The following ZFAT variants were observed in gnomAD, a reference collection of about 807,000 sequenced individuals.
ZFAT encodes zinc finger protein ZFAT.
ZFAT carries 64 observed loss-of-function variants against 117.7 expected under a neutral mutation model. The observed-to-expected ratio is 0.54, with a 90% CI of 0.44 to 0.67. ZFAT has a LOEUF of 0.67. ZFAT is among the 30% of genes least tolerant of loss of function. The pLI, the probability that ZFAT is intolerant of heterozygous loss-of-function variation, is 0.00. For synonymous variants in ZFAT, 679 were observed against 615.0 expected (o/e 1.10, Z -1.54); for missense variants, 1,433 against 1,584.5 (o/e 0.90, Z 1.62).
At chr8:134,702,231 T>C (rs143765001) in intron 1 of ZFAT, among the ~76,000 whole-genome samples, 1 of 152,316 alleles carries the variant, frequency 6.6e-6, no homozygotes, top group African/African-American at 2.4e-5. Flanking sequence ...AGGTATTCTG[T>C]TATAAGCAAC....
intron 15 of ZFAT, among the ~76,000 whole-genome samples, chr8:134,508,902 T>A (rs929385075): frequency 6.6e-6 from 1 of 152,242 alleles, no homozygotes; most frequent in Admixed American, 6.5e-5. Flanking sequence ...CTGGTTTTGA[T>A]GCATTTCCTA....
At chr8:134,745,393 CT>C in the ZFAT span, among the ~76,000 whole-genome samples, 7 of 152,134 alleles carry the variant, frequency 4.6e-5, no homozygotes, top group African/African-American at 1.7e-4. Context: ...GCCTAGCTTG[CT>C]TGGTTTCGAA....
At chr8:134,631,159 A>AT (rs1829865254) in intron 3 of ZFAT, among the ~76,000 whole-genome samples, 1 of 152,182 alleles carries the variant, frequency 6.6e-6, no homozygotes, top group African/African-American at 2.4e-5. Context: ...ATAGGAGGCC[A>AT]TTTTCTCTAC....
At chr8:134,502,916 T>G (rs1394090560) in intron 15 of ZFAT, among the ~76,000 whole-genome samples, 1 of 152,278 alleles carries the variant, frequency 6.6e-6, no homozygotes, top group East Asian at 1.9e-4. Flanking sequence ...TCTAGCACAT[T>G]GCAGGAAAAC....
the ZFAT span, chr8:134,798,044 A>G: frequency 6.6e-6 from 1 of 151,942 alleles, no homozygotes; most frequent in Non-Finnish European, 1.5e-5. Flanking sequence ...GATAAACTCT[A>G]TTATATATTA....
At chr8:134,665,818 G>C (rs1428502855) in intron 1 of ZFAT, among the ~76,000 whole-genome samples, 1 of 152,086 alleles carries the variant, frequency 6.6e-6, no homozygotes, top group East Asian at 1.9e-4. Flanking sequence ...CTTCCCCACT[G>C]GGGTCTCCAG....
At chr8:134,527,396 G>C (rs1167092086) in intron 12 of ZFAT, among the ~76,000 whole-genome samples, 2 of 152,220 alleles carry the variant, frequency 1.3e-5, no homozygotes, top group Admixed American at 1.3e-4. Context: ...GGCACTGACA[G>C]ATACGAATAC....
At chr8:134,479,370 G>C (rs552141438) in intron 15 of ZFAT, among the ~76,000 whole-genome samples, 1 of 152,358 alleles carries the variant, frequency 6.6e-6, no homozygotes, top group South Asian at 2.1e-4. Context: ...GTATCCGTCA[G>C]GGGATGGGAC....
At chr8:134,767,978 C>T in the ZFAT span, among the ~76,000 whole-genome samples, 8 of 152,206 alleles carry the variant, frequency 5.3e-5, no homozygotes, top group Non-Finnish European at 8.8e-5. Context: ...ATCTTCTCCA[C>T]TGTATTATTT....
intron 11 of ZFAT, among the ~76,000 whole-genome samples, chr8:134,560,234 C>T (rs567040373): frequency 6.6e-6 from 1 of 152,058 alleles, no homozygotes; most frequent in South Asian, 2.1e-4. Context: ...TCTCCTCTCA[C>T]TCTCTCTCTC....
At chr8:134,682,511 C>T (rs1367981472) in intron 1 of ZFAT, among the ~76,000 whole-genome samples, 1 of 152,066 alleles carries the variant, frequency 6.6e-6, no homozygotes, top group African/African-American at 2.4e-5. Flanking sequence ...AAAAATTAGC[C>T]GGGTGTGGTG....
At chr8:134,655,292 A>C (rs1378157990) in intron 2 of ZFAT, among the ~76,000 whole-genome samples, 13 of 152,114 alleles carry the variant, frequency 8.5e-5, no homozygotes, top group African/African-American at 2.4e-4. Flanking sequence ...ACCTTACAAC[A>C]CTGACACTCA....
At chr8:134,701,724 G>A (rs532658570) in intron 1 of ZFAT, among the ~76,000 whole-genome samples, 1 of 152,188 alleles carries the variant, frequency 6.6e-6, no homozygotes, top group East Asian at 1.9e-4. Flanking sequence ...CCAGGTTGTT[G>A]CCTGCATCAC....
the ZFAT span, among the ~76,000 whole-genome samples, chr8:134,756,364 G>C: frequency 0.42 from 64,381 of 152,120 alleles, 13,835 homozygotes; most frequent in Admixed American, 0.49. Flanking sequence ...GACCATGACT[G>C]AGATGAGGAA....
chr8:134,621,443 T>C (rs1277995472), intron 3 of ZFAT, among the ~76,000 whole-genome samples: 1 of 152,164 alleles, frequency 6.6e-6, no homozygotes, highest in Non-Finnish European at 1.5e-5. Context: ...TCTCTACTAT[T>C]ATGTACATGG....
At chr8:134,528,751 G>A (rs1224486763) in intron 12 of ZFAT, among the ~76,000 whole-genome samples, 1 of 152,180 alleles carries the variant, frequency 6.6e-6, no homozygotes, top group African/African-American at 2.4e-5. Context: ...CACAGCTGAA[G>A]GGGATGTATT....
the ZFAT span, among the ~76,000 whole-genome samples, chr8:134,725,312 C>T: frequency 1.3e-5 from 2 of 152,136 alleles, no homozygotes; most frequent in African/African-American, 2.4e-5. Context: ...ATCTGAGACT[C>T]GGCCATTTAT....
intron 9 of ZFAT, among the ~76,000 whole-genome samples, chr8:134,584,400 C>G (rs1825921260): frequency 6.6e-6 from 1 of 152,208 alleles, no homozygotes; most frequent in African/African-American, 2.4e-5. Context: ...TCTGGGAACT[C>G]CTTGAGGACA....
At chr8:134,613,456 A>G (rs1297037152) in intron 3 of ZFAT, among the ~76,000 whole-genome samples, 1 of 152,226 alleles carries the variant, frequency 6.6e-6, no homozygotes, top group African/African-American at 2.4e-5. Flanking sequence ...TGCCGTTTTA[A>G]AAGCCAATGG....
Sources: gnomAD v4.1 joint callset for allele counts (sites outside exome capture counted in the v4.1 genomes callset) on GRCh38, gnomAD v4.1.1 for gene constraint, MANE v1.5 for transcripts, NCBI Gene and HGNC (gene_info 2026-07-23, HGNC 2026-07-21) for gene names.